Variants in KAT14 observed in about 807,000 individuals in gnomAD.
KAT14 encodes cysteine-rich protein 2-binding protein.
Under a neutral mutation model 78.4 loss-of-function variants are expected in KAT14, and 66 were observed. The ratio of observed to expected loss-of-function variants is 0.84; its 90% CI spans 0.69 to 1.03. The LOEUF is 1.03. KAT14 is among the 50% of genes least tolerant of loss of function. The pLI is 0.00. For missense variants in KAT14, 870 were observed against 972.5 expected (o/e 0.89, Z 1.40); for synonymous variants, 344 against 359.4 (o/e 0.96, Z 0.48).
At chr20:18,138,420 C>T (rs2037385213) in intron 1 of KAT14, 1 of 1,012,972 alleles carries the variant, frequency 9.9e-7, no homozygotes, top group Non-Finnish European at 1.2e-6. Flanking sequence ...TTCCACATCT[C>T]ACTTGGGCCG....
intron 10 of KAT14, 109 bp from the exon 11 acceptor site, chr20:18,187,177 T>A (rs926181529): frequency 7.1e-7 from 1 of 1,398,996 alleles, no homozygotes; most frequent in Non-Finnish European, 9.5e-7. Flanking sequence ...AGTCTCTGAT[T>A]TCTCCGGTTT....
At chr20:18,163,367 G>A (rs1486470350) in intron 7 of KAT14, among the ~76,000 whole-genome samples, 3 of 152,144 alleles carry the variant, frequency 2.0e-5, no homozygotes, top group African/African-American at 7.2e-5. Context: ...AGCAGCCAAG[G>A]GATCAGTGTG....
chr20:18,187,238 C>T (rs780451077), intron 10 of KAT14, 48 bp from the exon 11 acceptor site: 2 of 1,553,308 alleles, frequency 1.3e-6, no homozygotes, highest in Middle Eastern at 3.5e-4. Context: ...ACTCATTTTC[C>T]CTCAGGCCTT....
chr20:18,184,168 A>G (rs1030029100), intron 9 of KAT14, among the ~76,000 whole-genome samples: 1 of 152,210 alleles, frequency 6.6e-6, no homozygotes, highest in Non-Finnish European at 1.5e-5. Context: ...CTTATAAATT[A>G]TATGTGTGGG....
intron 10 of KAT14, among the ~76,000 whole-genome samples, chr20:18,186,171 C>T (rs1396323233): frequency 6.6e-6 from 1 of 152,116 alleles, no homozygotes; most frequent in East Asian, 1.9e-4. Context: ...GAGTCAGTCC[C>T]TGCTGAGTGT....
chr20:18,184,749 G>A lies in KAT14; in HGVS notation c.2129G>A (p.Arg710Lys). Residue 710 changes from arginine (R) to lysine (K), a missense_variant, in exon 10 of 11, where the codon AGA (arginine) becomes AAA (lysine). Arg to Lys is a conservative substitution (Grantham distance 26, BLOSUM62 2). Coordinates refer to ENST00000688188, the MANE Select transcript of KAT14 (RefSeq NM_001392073.1). ...ISFLFVHPEW[R>K]RAGIATFMIY... ...TTTCTGTTCGTCCACCCTGAATGGA[G>A]AAGAGCAGGGATTGCAACTTTCATG... is the stretch of plus-strand genomic sequence containing the variant. 6.2e-7 allele frequency: 1 copy of A among 1,611,312 alleles called. No homozygotes were observed. The highest frequency in any genetic ancestry group is 1.7e-5 in the Admixed American group (1 of 58,894).
At chr20:18,157,159 G>A (rs1036120189) in intron 4 of KAT14, among the ~76,000 whole-genome samples, 2 of 152,096 alleles carry the variant, frequency 1.3e-5, no homozygotes, top group African/African-American at 4.8e-5. Context: ...ACCCGTTTTC[G>A]ACACAGTAAA....
chr20:18,161,704 C>T, intron 5 of KAT14, 119 bp from the exon 6 acceptor site: 3 of 1,374,238 alleles, frequency 2.2e-6, no homozygotes, highest in Non-Finnish European at 2.9e-6. Flanking sequence ...TTGGGATACT[C>T]AGCCAATAAG....
At chr20:18,154,635 C>CCTT (rs59620754) in intron 4 of KAT14, among the ~76,000 whole-genome samples, 2 of 151,712 alleles carry the variant, frequency 1.3e-5, no homozygotes, top group Non-Finnish European at 2.9e-5. Flanking sequence ...CCAGAATCCT[C>CCTT]GTAAAGTTGA....
rs754597088 is a variant in KAT14 at position 18,159,152 on chromosome 20, G to T, written c.569G>T (p.Arg190Leu). The change falls in exon 5 of 11, where the codon CGT becomes CTT. Residue 190 changes from arginine (R) to leucine (L), a missense_variant. Arg to Leu is a moderately radical substitution (Grantham distance 102, BLOSUM62 -2). Transcript: ENST00000688188. ...AGCGTGGGAAGTCCCATGTACTTCC[G>T]TTCAGGTGCTCAGGAATTTGGAGAG... ...CLSVGSPMYF[R>L]SGAQEFGEPG... The T allele has an allele frequency of 4.3e-6, 7 of 1,614,096 alleles. No individual in the cohort carries two copies. The highest frequency in any genetic ancestry group is 5.9e-6 in the Non-Finnish European group (7 of 1,179,968).
chr20:18,142,546 A>G lies in KAT14; in HGVS notation c.-115A>G, dbSNP rs998331617. 54 of 1,510,340 alleles carry G rather than the reference A, an allele frequency of 3.6e-5. No individual in the cohort carries two copies. Among genetic ancestry groups the G allele is most frequent in the Non-Finnish European group, 4.8e-5 (54 of 1,127,738 alleles). The allele number at this position is 1,510,340 out of a possible 1,614,324, so 93.6% of individuals were successfully genotyped here. ...TATATCTGAATAAAGGAGTGTGGGC[A>G]GACACTTTTTGGAAGAGTCTGTCTG... On this transcript the variant is annotated 5_prime_UTR_variant, in exon 2 of 11. Transcript: ENST00000688188.
rs118114286 is a variant in KAT14, at chr20:18,185,797, T to C, written c.2172+1005T>C. On this transcript the variant is annotated intron_variant, in intron 10 of 10. Coordinates refer to ENST00000688188, the MANE Select transcript of KAT14 (RefSeq NM_001392073.1). ...AAGATGATAAAAGTTGTTTCTCCAATTTTTAATGAAACTTGCTTAATAATT... is the reference window on the plus strand; with the variant it reads ...AAGATGATAAAAGTTGTTTCTCCAACTTTTAATGAAACTTGCTTAATAATT... Among the ~76,000 whole-genome samples, 36 of 152,340 alleles carry C rather than the reference T, an allele frequency of 2.4e-4. 2 individuals are homozygous for C. In the East Asian group the frequency reaches 4.8e-3, roughly 20 times the overall value.
At chr20:18,150,764 A>C in intron 3 of KAT14, 57 bp from the exon 4 acceptor site, 4 of 1,605,598 alleles carry the variant, frequency 2.5e-6, no homozygotes, top group Non-Finnish European at 3.4e-6. Flanking sequence ...TTCCCCCCTC[A>C]AGATTAACAT....
At chr20:18,156,233 C>T (rs543403039) in intron 4 of KAT14, among the ~76,000 whole-genome samples, 6 of 152,102 alleles carry the variant, frequency 3.9e-5, no homozygotes, top group East Asian at 3.9e-4. Context: ...CAGCACTTGG[C>T]GGGGAGGGTG....
At chr20:18,182,434 T>C (rs1405089870) in intron 8 of KAT14, among the ~76,000 whole-genome samples, 1 of 152,218 alleles carries the variant, frequency 6.6e-6, no homozygotes, top group Non-Finnish European at 1.5e-5. Flanking sequence ...CATTATGTTA[T>C]TTTAAATACT....
chr20:18,172,234 T>C (rs1162593603), intron 7 of KAT14, among the ~76,000 whole-genome samples: 2 of 152,026 alleles, frequency 1.3e-5, no homozygotes, highest in East Asian at 3.9e-4. Flanking sequence ...CCCGAGTAGC[T>C]GGGACTAAAG....
At chr20:18,181,883 C>T in intron 8 of KAT14, 37 bp downstream of exon 8, 1 of 1,609,500 alleles carries the variant, frequency 6.2e-7, no homozygotes, top group Non-Finnish European at 8.5e-7. Context: ...TCAGGTGTGT[C>T]ATGAGGGATA....
At position 18,187,553 on chromosome 20, in the gene KAT14, A is replaced by G. The variant is rs1369380914; in HGVS notation, c.*94A>G. ...GTGATTGATTTCACAGGGAGCTCTA[A>G]TCTCTGTGATTACATGGTCCTTCAA... On this transcript the variant is annotated 3_prime_UTR_variant, in exon 11 of 11. Coordinates refer to ENST00000688188, the MANE Select transcript of KAT14 (RefSeq NM_001392073.1). The G allele has an allele frequency of 6.4e-7, 1 of 1,558,064 alleles. No homozygotes were observed. Among genetic ancestry groups the G allele is most frequent in the Admixed American group, 2.0e-5 (1 of 50,494 alleles).
At chr20:18,166,058 A>C (rs1179577941) in intron 7 of KAT14, among the ~76,000 whole-genome samples, 1 of 152,190 alleles carries the variant, frequency 6.6e-6, no homozygotes, top group Non-Finnish European at 1.5e-5. Context: ...AGAAATACCA[A>C]AATTGTTAGA....
Sources: gnomAD v4.1 joint callset for allele counts (sites outside exome capture counted in the v4.1 genomes callset) on GRCh38, gnomAD v4.1.1 for gene constraint, MANE v1.5 for transcripts, NCBI Gene and HGNC (gene_info 2026-07-23, HGNC 2026-07-21) for gene names.